Variants in GRID2 observed in about 807,000 individuals in gnomAD.
GRID2 encodes the protein glutamate ionotropic receptor delta type subunit 2.
Under a neutral mutation model 114.8 loss-of-function variants are expected in GRID2, and 33 were observed. That is an observed-to-expected ratio of 0.29 (90% CI 0.22 to 0.38). The LOEUF (loss-of-function observed/expected upper bound fraction) is 0.38, where lower values mean the gene tolerates loss of function less well. GRID2 is among the 10% of genes least tolerant of loss of function. The probability of loss-of-function intolerance (pLI) is 1.00; values close to 1 mark genes in which losing one functional copy is unlikely to be tolerated. For synonymous variants in GRID2, 505 were observed against 449.9 expected (o/e 1.12, Z -1.55); for missense variants, 1,184 against 1,257.7 (o/e 0.94, Z 0.89).
At chr4:92,486,754 A>G (rs1048840360) in intron 1 of GRID2, among the ~76,000 whole-genome samples, 5 of 152,044 alleles carry the variant, frequency 3.3e-5, no homozygotes, top group African/African-American at 1.2e-4. Flanking sequence ...TAATTCAAAT[A>G]AAAATAGATA....
intron 8 of GRID2, among the ~76,000 whole-genome samples, chr4:93,310,242 G>T (rs150436888): frequency 6.6e-6 from 1 of 152,028 alleles, no homozygotes; most frequent in Non-Finnish European, 1.5e-5. Context: ...ACACTGAGCC[G>T]GGCACAGTGG....
At position 92,374,915 on chromosome 4, in the gene GRID2, T is replaced by G. The variant is rs555493239; in HGVS notation, c.88+70171T>G. Among the ~76,000 whole-genome samples the G allele has an allele frequency of 2.4e-3, 368 of 152,212 alleles. 1 individual carries two copies. The highest frequency in any genetic ancestry group is 8.5e-3 in the African/African-American group (354 of 41,544). Reference sequence around the variant, plus strand: ...GGTTATCAATCTGAATATGTGGATATAATGAAAAGTGTAAACATACCATAC... The same window carrying G: ...GGTTATCAATCTGAATATGTGGATAGAATGAAAAGTGTAAACATACCATAC... On this transcript the variant is annotated intron_variant, in intron 1 of 15. Transcript: ENST00000282020.
At chr4:93,270,880 C>T (rs1184620929) in intron 8 of GRID2, among the ~76,000 whole-genome samples, 1 of 152,148 alleles carries the variant, frequency 6.6e-6, no homozygotes, top group Non-Finnish European at 1.5e-5. Context: ...CCACCCACTT[C>T]AGCCTCTCAA....
At chr4:92,967,351 C>T (rs1024152015) in intron 2 of GRID2, among the ~76,000 whole-genome samples, 1 of 151,912 alleles carries the variant, frequency 6.6e-6, no homozygotes, top group African/African-American at 2.4e-5. Flanking sequence ...TCCGATGCTT[C>T]ACAGTAAAAT....
intron 1 of GRID2, among the ~76,000 whole-genome samples, chr4:93,783,343 G>A (rs1304215287): frequency 6.6e-6 from 1 of 152,224 alleles, no homozygotes; most frequent in African/African-American, 2.4e-5. Context: ...ATTAGTAAGC[G>A]AGAATTCAAA....
chr4:92,520,986 CAGTTATTG>C (rs1724742857), intron 1 of GRID2, among the ~76,000 whole-genome samples: 1 of 151,854 alleles, frequency 6.6e-6, no homozygotes, highest in Admixed American at 6.6e-5. Context: ...GGAAACATAA[CAGTTATTG>C]AGTTATGAGC....
chr4:92,856,446 A>G (rs1290146831), intron 2 of GRID2, among the ~76,000 whole-genome samples: 1 of 152,182 alleles, frequency 6.6e-6, no homozygotes, highest in Non-Finnish European at 1.5e-5. Flanking sequence ...TCTAATGGCA[A>G]CTGCACCTTT....
At chr4:92,525,036 T>A (rs1257302785) in intron 1 of GRID2, among the ~76,000 whole-genome samples, 2 of 152,086 alleles carry the variant, frequency 1.3e-5, no homozygotes, top group East Asian at 2.0e-4. Flanking sequence ...GAGTATTTTT[T>A]ATACTCTCTC....
chr4:92,418,954 G>T (rs1731755021), intron 1 of GRID2, among the ~76,000 whole-genome samples: 1 of 151,586 alleles, frequency 6.6e-6, no homozygotes, highest in Admixed American at 6.6e-5. Flanking sequence ...GGAGGTTAAT[G>T]TTGTACTCAT....
At chr4:93,246,373 G>T (rs1417878590) in intron 8 of GRID2, among the ~76,000 whole-genome samples, 1 of 151,988 alleles carries the variant, frequency 6.6e-6, no homozygotes, top group Non-Finnish European at 1.5e-5. Context: ...GGATCACGAG[G>T]TCAGGAGATC....
At chr4:93,388,567 T>C (rs1276374386) in intron 8 of GRID2, among the ~76,000 whole-genome samples, 2 of 152,186 alleles carry the variant, frequency 1.3e-5, no homozygotes, top group Non-Finnish European at 2.9e-5. Context: ...GAAGGCATTA[T>C]GACATGAATT....
At chr4:92,766,909 T>C (rs1254195753) in intron 2 of GRID2, among the ~76,000 whole-genome samples, 1 of 152,224 alleles carries the variant, frequency 6.6e-6, no homozygotes, top group Non-Finnish European at 1.5e-5. Flanking sequence ...CTCAGCTCTG[T>C]GAATTAGTAG....
intron 2 of GRID2, among the ~76,000 whole-genome samples, chr4:92,611,058 A>G (rs563364372): frequency 2.1e-5 from 3 of 144,258 alleles, no homozygotes; most frequent in African/African-American, 7.6e-5. Flanking sequence ...GTATATATAT[A>G]TGTGTGTGTG....
At chr4:93,690,450 A>G (rs1013479955) in intron 14 of GRID2, among the ~76,000 whole-genome samples, 3 of 151,972 alleles carry the variant, frequency 2.0e-5, no homozygotes, top group African/African-American at 4.8e-5. Flanking sequence ...AACTCTTCCT[A>G]AATTTCAAAT....
At position 92,647,489 on chromosome 4, in the gene GRID2, T is replaced by C. The variant is rs1288154044; in HGVS notation, c.244+57203T>C. ...GATCATGGCTTGAATTATGGTTTTT[T>C]TGTTTGTTTTAAATAAGGAAACTAT... On this transcript the variant is annotated intron_variant, in intron 2 of 15. Coordinates refer to ENST00000282020, the MANE Select transcript of GRID2 (RefSeq NM_001510.4). Among the ~76,000 whole-genome samples the C allele has an allele frequency of 1.3e-5, 2 of 149,610 alleles. 1 individual carries two copies. Among genetic ancestry groups the C allele is most frequent in the Non-Finnish European group, 3.0e-5 (2 of 67,556 alleles).
intron 8 of GRID2, among the ~76,000 whole-genome samples, chr4:93,322,462 T>C (rs1757338206): frequency 1.3e-5 from 2 of 152,196 alleles, no homozygotes; most frequent in South Asian, 4.1e-4. Flanking sequence ...GACATTTGGA[T>C]TGGTTCCAAG....
intron 2 of GRID2, among the ~76,000 whole-genome samples, chr4:93,023,277 T>C (rs761634736): frequency 2.6e-5 from 4 of 151,910 alleles, no homozygotes; most frequent in Non-Finnish European, 5.9e-5. Flanking sequence ...TATGATAGAA[T>C]TTCTCTAGAT....
chr4:92,346,868 C>T (rs1375440591), intron 1 of GRID2, among the ~76,000 whole-genome samples: 1 of 152,098 alleles, frequency 6.6e-6, no homozygotes, highest in Non-Finnish European at 1.5e-5. Flanking sequence ...GATTTTACTT[C>T]TAATTATTTT....
intron 11 of GRID2, among the ~76,000 whole-genome samples, chr4:93,482,909 C>T (rs1726017451): frequency 6.6e-6 from 1 of 151,752 alleles, no homozygotes; most frequent in Non-Finnish European, 1.5e-5. Context: ...AACAGGAAAC[C>T]GCACTTGTAT....
Sources: allele counts gnomAD v4.1 joint callset (sites outside exome capture counted in the v4.1 genomes callset), GRCh38; gene constraint gnomAD v4.1.1; transcripts MANE v1.5; gene names NCBI Gene and HGNC (gene_info 2026-07-23, HGNC 2026-07-21).